DMD: variants seen among roughly 807,000 people sequenced by gnomAD.
DMD encodes dystrophin, also known as mutant dystrophin.
Under a neutral mutation model 330.1 loss-of-function variants are expected in DMD, and 63 were observed. That is an observed-to-expected ratio of 0.19 (90% confidence interval 0.16 to 0.24). The LOEUF is 0.24. DMD is among the 10% of genes least tolerant of loss of function. The pLI is 1.00. For missense variants in DMD, 3,344 were observed against 2,684.1 expected, an observed-to-expected ratio of 1.25 and a Z score of -5.43; for synonymous variants, 1,223 against 959.8, an observed-to-expected ratio of 1.27 and a Z score of -5.07.
chrX:31,725,433 T>C (rs1190668681), intron 52 of DMD, among the ~76,000 whole-genome samples: 1 of 111,253 alleles, frequency 9.0e-6, no homozygotes, highest in African/African-American at 3.3e-5. Flanking sequence ...AAAAAGCTCA[T>C]TAAGTATTTT....
chrX:31,691,698 A>G (rs1484254314), intron 52 of DMD, among the ~76,000 whole-genome samples: 3 of 112,142 alleles, frequency 2.7e-5, no homozygotes. Flanking sequence ...GTGACAAAGA[A>G]CATCATTATA....
intron 41 of DMD, among the ~76,000 whole-genome samples, chrX:32,339,585 T>C (rs2097731522): frequency 1.8e-5 from 2 of 111,705 alleles, no homozygotes; most frequent in African/African-American, 6.5e-5. Flanking sequence ...AAAGTCTCAG[T>C]CCTTTTCTGA....
At chrX:31,712,656 A>G (rs1424585546) in intron 52 of DMD, among the ~76,000 whole-genome samples, 2 of 111,601 alleles carry the variant, frequency 1.8e-5, no homozygotes, top group Non-Finnish European at 1.9e-5. Flanking sequence ...ATCCCTTTAT[A>G]GTCTTCCTTT....
At chrX:33,271,724 C>T (rs2053158916) in intron 1 of DMD, among the ~76,000 whole-genome samples, 1 of 101,121 alleles carries the variant, frequency 9.9e-6, no homozygotes, top group African/African-American at 3.6e-5. Flanking sequence ...CGAGATAGTG[C>T]CACCACACTC....
At chrX:32,924,684 T>A (rs1313287750) in intron 2 of DMD, among the ~76,000 whole-genome samples, 1 of 111,923 alleles carries the variant, frequency 8.9e-6, no homozygotes, top group Non-Finnish European at 1.9e-5. Context: ...GATTTTCTCC[T>A]CTGAAAGAGT....
At chrX:32,869,680 C>T (rs1164411451) in intron 2 of DMD, among the ~76,000 whole-genome samples, 1 of 109,456 alleles carries the variant, frequency 9.1e-6, no homozygotes, top group African/African-American at 3.3e-5. Flanking sequence ...GAAATAACAC[C>T]AGCAGACAAG....
chrX:31,230,039 G>A (rs1347540660), intron 63 of DMD, among the ~76,000 whole-genome samples: 1 of 111,998 alleles, frequency 8.9e-6, no homozygotes, highest in Non-Finnish European at 1.9e-5. Context: ...GAACAGACCA[G>A]GAATTCTGGA....
At chrX:31,426,770 A>C (rs1282838578) in intron 60 of DMD, among the ~76,000 whole-genome samples, 1 of 112,011 alleles carries the variant, frequency 8.9e-6, no homozygotes, top group Non-Finnish European at 1.9e-5. Flanking sequence ...CCTACCTACT[A>C]ACCTTGAACC....
rs1302015325 is a variant in DMD, at chrX:31,214,930, C to CTTT, written c.9362-5234_9362-5232dup. ...AACCACCAAAGATACTTTTTTATTT[C>CTTT]TTTTTTCTTTTTTTTTTTTTTTTTT... On this transcript the variant is annotated intron_variant, in intron 64 of 78. Coordinates refer to ENST00000357033, the MANE Select transcript of DMD (RefSeq NM_004006.3). Among the ~76,000 whole-genome samples, 30 of 46,127 alleles carry CTTT rather than the reference C, an allele frequency of 6.5e-4. 1 individual carries two copies. Among genetic ancestry groups the CTTT allele is most frequent in the African/African-American group, 1.8e-3 (22 of 12,119 alleles). The allele number at this position is 46,127 out of a possible 115,157, so 40.1% of individuals were successfully genotyped here.
At chrX:33,193,221 C>T (rs1603407068) in intron 1 of DMD, among the ~76,000 whole-genome samples, 1 of 111,533 alleles carries the variant, frequency 9.0e-6, no homozygotes, top group East Asian at 2.8e-4. Flanking sequence ...ACAGGAGAAT[C>T]GCTTGAACTC....
intron 48 of DMD, among the ~76,000 whole-genome samples, chrX:31,867,091 GATAT>G (rs35804192): frequency 1.2e-4 from 12 of 101,306 alleles, no homozygotes; most frequent in African/African-American, 1.4e-4. Flanking sequence ...AACATATTTT[GATAT>G]ATATATATAT....
At chrX:33,125,097 T>A (rs2095455510) in intron 1 of DMD, among the ~76,000 whole-genome samples, 1 of 107,432 alleles carries the variant, frequency 9.3e-6, no homozygotes, top group African/African-American at 3.4e-5. Flanking sequence ...ATAAATCTTA[T>A]CTATGTTAAT....
chrX:31,786,223 G>A (rs2091289761), intron 50 of DMD, among the ~76,000 whole-genome samples: 1 of 111,514 alleles, frequency 9.0e-6, no homozygotes, highest in African/African-American at 3.3e-5. Flanking sequence ...TTTTTTTCAT[G>A]TGTCTTTTGG....
At chrX:31,888,176 T>A (rs186364500) in intron 47 of DMD, among the ~76,000 whole-genome samples, 4 of 111,653 alleles carry the variant, frequency 3.6e-5, no homozygotes, top group African/African-American at 9.8e-5. Context: ...ATTCTTGATA[T>A]GTTTTCTGTT....
intron 1 of DMD, among the ~76,000 whole-genome samples, chrX:33,167,537 A>G (rs945886287): frequency 3.6e-5 from 4 of 111,376 alleles, no homozygotes; most frequent in Non-Finnish European, 7.6e-5. Flanking sequence ...TATCTTAAAT[A>G]TAATTTCTTT....
At chrX:31,567,580 C>CT (rs982739534) in intron 55 of DMD, among the ~76,000 whole-genome samples, 1 of 111,333 alleles carries the variant, frequency 9.0e-6, no homozygotes, top group Non-Finnish European at 1.9e-5. Context: ...GTATGACACT[C>CT]TTTTTTTAAA....
chrX:32,333,662 C>G (rs776725731), intron 41 of DMD, among the ~76,000 whole-genome samples: 1 of 111,394 alleles, frequency 9.0e-6, no homozygotes, highest in Admixed American at 9.6e-5. Context: ...AAATCCTAAG[C>G]TATTATCACT....
At chrX:33,215,683 G>A (rs149914339), upstream of DMD, among the ~76,000 whole-genome samples, 364 of 111,663 alleles carry the variant, frequency 3.3e-3, no homozygotes, top group Non-Finnish European at 5.6e-3. Context: ...TTAGTTCACC[G>A]TCAGTTGATT....
intron 7 of DMD, among the ~76,000 whole-genome samples, chrX:32,752,152 G>T (rs925793922): frequency 1.8e-5 from 2 of 111,743 alleles, no homozygotes; most frequent in Non-Finnish European, 3.8e-5. Flanking sequence ...GAGGGCCACT[G>T]TCCTCCAGAC....
Sources: allele counts gnomAD v4.1 joint callset (sites outside exome capture counted in the v4.1 genomes callset), GRCh38; gene constraint gnomAD v4.1.1; transcripts MANE v1.5; gene names NCBI Gene and HGNC (gene_info 2026-07-23, HGNC 2026-07-21).